The following UBTD2 variants were observed in gnomAD, a reference collection of about 807,000 sequenced individuals.
UBTD2 encodes the protein ubiquitin domain-containing protein 2.
A neutral mutation model predicts 19.8 loss-of-function variants in UBTD2; 9 were observed. That is an observed-to-expected ratio of 0.46 (90% confidence interval 0.27 to 0.79). The LOEUF is 0.79. Ranked by LOEUF, UBTD2 falls within the 30% of genes least tolerant of loss-of-function variation. The probability of loss-of-function intolerance (pLI) is 0.14; values close to 1 mark genes in which losing one functional copy is unlikely to be tolerated. For synonymous variants in UBTD2, 98 were observed against 103.9 expected, an observed-to-expected ratio of 0.94 and a Z score of 0.35; for missense variants, 250 against 300.4, an observed-to-expected ratio of 0.83 and a Z score of 1.24.
rs750333715 is a variant in UBTD2, at chr5:172,212,190, T to C, written c.345A>G (p.Arg115=). 1 of 1,612,874 alleles carries C rather than the reference T, an allele frequency of 6.2e-7. No homozygotes were observed. The highest frequency in any genetic ancestry group is 2.2e-5 in the East Asian group (1 of 44,836). ...LTECYDELGN[R]YQLPVYCLAP... ...CCAAGCAATACACTGGAAGCTGATA[T>C]CTGTTCCCCAGTTCATCGTAGCACT... Residue 115 remains arginine, a synonymous_variant, in exon 3 of 3, where the codon AGA becomes AGG. Transcript: ENST00000393792.
intron 2 of UBTD2, among the ~76,000 whole-genome samples, chr5:172,227,553 T>TA (rs1771794478): frequency 6.6e-6 from 1 of 152,112 alleles, no homozygotes; most frequent in Non-Finnish European, 1.5e-5. Flanking sequence ...AATTTTTTTT[T>TA]TTTGTATTTT....
intron 1 of UBTD2, among the ~76,000 whole-genome samples, chr5:172,252,971 T>A (rs1755060007): frequency 6.6e-6 from 1 of 152,164 alleles, no homozygotes; most frequent in South Asian, 2.1e-4. Context: ...TACTAGAAAC[T>A]GTATTCTCTT....
chr5:172,230,947 C>T (rs1283893845), intron 2 of UBTD2, among the ~76,000 whole-genome samples: 2 of 152,076 alleles, frequency 1.3e-5, no homozygotes, highest in African/African-American at 4.8e-5. Context: ...CAAGGCCTGG[C>T]TAATCCTTTG....
At chr5:172,231,916 C>T (rs1771908858) in intron 2 of UBTD2, among the ~76,000 whole-genome samples, 1 of 152,074 alleles carries the variant, frequency 6.6e-6, no homozygotes, top group East Asian at 1.9e-4. Flanking sequence ...CCACCACCTC[C>T]CAACCCACAA....
intron 1 of UBTD2, among the ~76,000 whole-genome samples, chr5:172,274,664 A>AC (rs1029384866): frequency 2.0e-5 from 3 of 152,188 alleles, no homozygotes; most frequent in African/African-American, 7.2e-5. Context: ...TAAGAAGTCT[A>AC]CCTTGTTTTA....
intron 1 of UBTD2, among the ~76,000 whole-genome samples, chr5:172,256,835 C>T (rs181662767): frequency 2.0e-5 from 3 of 152,208 alleles, no homozygotes; most frequent in Non-Finnish European, 2.9e-5. Context: ...GCAGGAGAAT[C>T]GCTTGAACCC....
At chr5:172,270,267 T>A (rs1454938493) in intron 1 of UBTD2, among the ~76,000 whole-genome samples, 1 of 151,136 alleles carries the variant, frequency 6.6e-6, no homozygotes, top group Non-Finnish European at 1.5e-5. Flanking sequence ...TTTAAATACA[T>A]TTCTTATGCT....
chr5:172,217,822 C>T (rs1452241249), intron 2 of UBTD2, among the ~76,000 whole-genome samples: 1 of 152,154 alleles, frequency 6.6e-6, no homozygotes, highest in African/African-American at 2.4e-5. Flanking sequence ...ATGCACCTAA[C>T]CGCACAGCAA....
chr5:172,265,735 G>A (rs1187035748), intron 1 of UBTD2, among the ~76,000 whole-genome samples: 2 of 152,038 alleles, frequency 1.3e-5, no homozygotes, highest in Admixed American at 1.3e-4. Context: ...AGATGTACTA[G>A]GCACTATACC....
intron 1 of UBTD2, 128 bp from the exon 2 acceptor site, chr5:172,234,486 T>C: frequency 1.3e-6 from 1 of 778,730 alleles, no homozygotes; most frequent in Non-Finnish European, 2.0e-6. Context: ...TGCTAGCTAA[T>C]TTGTGCATCC....
chr5:172,256,685 C>G (rs1176935528), intron 1 of UBTD2, among the ~76,000 whole-genome samples: 2 of 151,956 alleles, frequency 1.3e-5, no homozygotes, highest in Admixed American at 1.3e-4. Flanking sequence ...CTTTGGGAGG[C>G]CAAGGCGGGC....
intron 2 of UBTD2, among the ~76,000 whole-genome samples, chr5:172,214,160 T>C (rs1441779246): frequency 6.6e-6 from 1 of 152,244 alleles, no homozygotes; most frequent in Non-Finnish European, 1.5e-5. Context: ...GGTATCAGCT[T>C]ATTATAAATT....
chr5:172,251,954 C>A (rs79995829), intron 1 of UBTD2, among the ~76,000 whole-genome samples: 2 of 152,192 alleles, frequency 1.3e-5, no homozygotes, highest in East Asian at 3.8e-4. Flanking sequence ...ACAATAATAT[C>A]TGTTTCATAG....
intron 1 of UBTD2, among the ~76,000 whole-genome samples, chr5:172,281,261 C>T (rs570541582): frequency 2.5e-4 from 38 of 152,304 alleles, no homozygotes; most frequent in African/African-American, 8.4e-4. Flanking sequence ...CATGTGAAGA[C>T]TCCATGTTGA....
At chr5:172,230,426 A>T (rs900663531) in intron 2 of UBTD2, among the ~76,000 whole-genome samples, 1 of 152,224 alleles carries the variant, frequency 6.6e-6, no homozygotes, top group African/African-American at 2.4e-5. Context: ...GAGTTCAGGA[A>T]ATAAGATCAT....
Position 172,216,591 on chromosome 5 carries a change from C to CAAAAAA in UBTD2, c.308-4370_308-4365dup, listed in dbSNP as rs57657254. On this transcript the variant is annotated intron_variant, in intron 2 of 2. Transcript: ENST00000393792. The stretch of plus-strand genomic sequence containing the variant: ...AACATAGGGAAACCCCATCTCTACC[C>CAAAAAA]AAAAAAAAAAAAAAAAAAAAAAAAA... Among the ~76,000 whole-genome samples the CAAAAAA allele has an allele frequency of 9.7e-4, 36 of 36,928 alleles. 2 individuals are homozygous for CAAAAAA. The highest frequency in any genetic ancestry group is 2.3e-3 in the African/African-American group (24 of 10,546). The allele number at this position is 36,928 out of a possible 152,430, so 24.2% of individuals were successfully genotyped here.
Position 172,283,758 on chromosome 5 carries a change from T to C in UBTD2, c.-93A>G, listed in dbSNP as rs1399973498. On this transcript the variant is annotated 5_prime_UTR_variant, in exon 1 of 3. Coordinates refer to ENST00000393792, the MANE Select transcript of UBTD2 (RefSeq NM_152277.3). This position sits in a 1 kb window ranked among gnomAD's most constrained non-coding sequence, Gnocchi z 4.3. Reference sequence around the variant, plus strand: ...GCCTCCTCCGGCGCCACCGCCGAGCTCCGGACAGGCGCGCCGCTCCGCTCG... The same window carrying C: ...GCCTCCTCCGGCGCCACCGCCGAGCCCCGGACAGGCGCGCCGCTCCGCTCG... 7 of 917,114 alleles carry C rather than the reference T, an allele frequency of 7.6e-6. No individual in the cohort carries two copies. Among genetic ancestry groups the C allele is most frequent in the Non-Finnish European group, 9.5e-6 (7 of 733,746 alleles). 56.8% of individuals were successfully genotyped at this position (917,114 alleles called of 1,614,324 possible). A position where few individuals can be genotyped will look rare whatever the true frequency, so the allele number is the denominator to read the frequency against.
At chr5:172,255,709 C>T (rs537223780) in intron 1 of UBTD2, among the ~76,000 whole-genome samples, 1 of 152,318 alleles carries the variant, frequency 6.6e-6, no homozygotes, top group African/African-American at 2.4e-5. Flanking sequence ...GCGCCGCTCG[C>T]TCAGCAAGTC....
At chr5:172,259,255 G>A (rs1755219656) in intron 1 of UBTD2, among the ~76,000 whole-genome samples, 1 of 152,068 alleles carries the variant, frequency 6.6e-6, no homozygotes, top group Admixed American at 6.6e-5. Context: ...CGATTCTCCT[G>A]CCTCAGCCTC....
Sources: gnomAD v4.1 joint callset for allele counts (sites outside exome capture counted in the v4.1 genomes callset) on GRCh38, gnomAD v4.1.1 for gene constraint, Gnocchi (gnomAD v3.1) non-coding constraint, MANE v1.5 for transcripts, NCBI Gene and HGNC (gene_info 2026-07-23, HGNC 2026-07-21) for gene names.